Variants in COL24A1 observed in about 807,000 individuals in gnomAD.
The protein encoded by COL24A1 is collagen alpha-1(XXIV) chain.
A neutral mutation model predicts 253.9 loss-of-function variants in COL24A1; 224 were observed. The observed-to-expected ratio is 0.88, with a 90% CI of 0.79 to 0.99. The LOEUF (loss-of-function observed/expected upper bound fraction) is 0.99, where lower values mean the gene tolerates loss of function less well. COL24A1 is among the 50% of genes least tolerant of loss of function. The pLI, the probability that COL24A1 is intolerant of heterozygous loss-of-function variation, is 0.00. For missense variants in COL24A1, 2,131 were observed against 2,068.5 expected (o/e 1.03, Z -0.59); for synonymous variants, 685 against 673.7 (o/e 1.02, Z -0.26).
At chr1:85,992,922 T>C (rs1217130083) in intron 19 of COL24A1, among the ~76,000 whole-genome samples, 1 of 152,038 alleles carries the variant, frequency 6.6e-6, no homozygotes, top group African/African-American at 2.4e-5. Context: ...AAAAAAGAAG[T>C]AGTTTTAAAA....
intron 1 of COL24A1, chr1:86,155,127 A>G (rs1324291837): frequency 6.6e-6 from 1 of 152,030 alleles, no homozygotes; most frequent in Non-Finnish European, 1.5e-5. Context: ...GGGGTTGAGG[A>G]GATTGGGAGG....
At chr1:85,744,639 C>T in intron 57 of COL24A1, 27 bp downstream of exon 57, 1 of 1,547,374 alleles carries the variant, frequency 6.5e-7, no homozygotes, top group African/African-American at 1.4e-5. Flanking sequence ...AATTCACTAT[C>T]AGAGTTTGAG....
chr1:85,792,269 T>A (rs1447674512), intron 47 of COL24A1, among the ~76,000 whole-genome samples: 1 of 152,150 alleles, frequency 6.6e-6, no homozygotes, highest in South Asian at 2.1e-4. Flanking sequence ...CAATAGTTTC[T>A]CCATGTATTC....
chr1:85,767,326 C>A (rs548001188), intron 53 of COL24A1, among the ~76,000 whole-genome samples: 78 of 152,206 alleles, frequency 5.1e-4, no homozygotes, highest in Middle Eastern at 6.8e-3. Flanking sequence ...AATTAGGCGT[C>A]TTTAGCCAGT....
chr1:85,911,991 C>A (rs1216787189), intron 24 of COL24A1, among the ~76,000 whole-genome samples: 1 of 151,978 alleles, frequency 6.6e-6, no homozygotes. Context: ...ACAAAAGCAA[C>A]TAAATTAAAA....
At chr1:86,152,206 G>A (rs1339812846) in intron 1 of COL24A1, among the ~76,000 whole-genome samples, 1 of 152,096 alleles carries the variant, frequency 6.6e-6, no homozygotes, top group Non-Finnish European at 1.5e-5. Context: ...CAACTCAGGT[G>A]GTAGTTATAT....
chr1:85,852,651 T>G (rs1310909866), intron 37 of COL24A1, among the ~76,000 whole-genome samples: 1 of 149,892 alleles, frequency 6.7e-6, no homozygotes, highest in African/African-American at 2.5e-5. Context: ...TAAATGATTA[T>G]AATTTCTTTA....
intron 35 of COL24A1, among the ~76,000 whole-genome samples, chr1:85,871,395 A>G (rs982563478): frequency 6.6e-6 from 1 of 152,160 alleles, no homozygotes; most frequent in African/African-American, 2.4e-5. Context: ...CACAACAAAA[A>G]AAGAGAATTT....
intron 3 of COL24A1, among the ~76,000 whole-genome samples, chr1:86,120,832 C>G (rs1020389247): frequency 1.3e-4 from 20 of 152,142 alleles, no homozygotes; most frequent in African/African-American, 4.8e-4. Flanking sequence ...GCTATAAAGA[C>G]ACATGCACAT....
At chr1:85,773,493 T>C (rs750876505) in intron 53 of COL24A1, among the ~76,000 whole-genome samples, 2 of 152,222 alleles carry the variant, frequency 1.3e-5, no homozygotes, top group Non-Finnish European at 2.9e-5. Context: ...TGATTCTTCC[T>C]ATTCATGAGC....
intron 24 of COL24A1, among the ~76,000 whole-genome samples, chr1:85,939,883 C>A (rs139797368): frequency 1.3e-5 from 2 of 152,170 alleles, no homozygotes; most frequent in East Asian, 1.9e-4. Context: ...AGGATATATA[C>A]TGCCCTCTTA....
intron 5 of COL24A1, among the ~76,000 whole-genome samples, chr1:86,111,078 C>T (rs1705537384): frequency 6.6e-6 from 1 of 152,202 alleles, no homozygotes; most frequent in South Asian, 2.1e-4. Flanking sequence ...AATCAGCACT[C>T]TGTGTCTAGC....
At chr1:86,002,266 T>C (rs1283097538) in intron 19 of COL24A1, among the ~76,000 whole-genome samples, 1 of 152,118 alleles carries the variant, frequency 6.6e-6, no homozygotes, top group East Asian at 1.9e-4. Flanking sequence ...GGGGTGGTGG[T>C]CCCTATTACA....
intron 55 of COL24A1, among the ~76,000 whole-genome samples, chr1:85,757,040 C>T (rs1666340472): frequency 6.6e-6 from 1 of 152,102 alleles, no homozygotes; most frequent in Non-Finnish European, 1.5e-5. Context: ...ACGGTGGTTG[C>T]AGGGGCTGGG....
rs189265902 is a variant in COL24A1, at chr1:85,826,846, A to G, written c.3682-3108T>C. Among the ~76,000 whole-genome samples, 306 of 152,320 alleles carry G rather than the reference A, an allele frequency of 2.0e-3. 3 individuals carry two copies. Among genetic ancestry groups the G allele is most frequent in the African/African-American group, 7.1e-3 (297 of 41,572 alleles). The stretch of plus-strand genomic sequence containing the variant: ...TTGGGCTGAGACAATGGAGTTTTCT[A>G]GATATACAATCATGGCATCTGCAAA... On this transcript the variant is annotated intron_variant, in intron 43 of 59. Coordinates refer to ENST00000370571, the MANE Select transcript of COL24A1 (RefSeq NM_152890.7).
chr1:86,129,571 G>T (rs1170852492), intron 2 of COL24A1, among the ~76,000 whole-genome samples: 4 of 151,584 alleles, frequency 2.6e-5, no homozygotes, highest in African/African-American at 9.7e-5. Flanking sequence ...TGCTTTAGCT[G>T]CATCCCATAG....
chr1:86,063,761 T>C lies in COL24A1; in HGVS notation c.1708-2A>G, dbSNP rs1365803484. ...GAGTCCAGGATGTCCTTTGAGACCC[T>C]GTAAAAGAATAAGTGGAGACATGCT... On this transcript the variant is annotated splice_acceptor_variant, in intron 7 of 59. Transcript: ENST00000370571. LOFTEE classifies it high-confidence loss of function. The C allele has an allele frequency of 2.6e-6, 4 of 1,535,294 alleles. No homozygotes were observed. Among genetic ancestry groups the C allele is most frequent in the Non-Finnish European group, 3.5e-6 (4 of 1,140,286 alleles).
At chr1:86,122,721 T>C (rs565496958) in intron 3 of COL24A1, among the ~76,000 whole-genome samples, 2 of 152,024 alleles carry the variant, frequency 1.3e-5, no homozygotes, top group Admixed American at 1.3e-4. Flanking sequence ...CAAGTCTTCC[T>C]ACAAAATCTC....
At chr1:86,039,127 A>G (rs1249347461) in intron 12 of COL24A1, among the ~76,000 whole-genome samples, 1 of 144,356 alleles carries the variant, frequency 6.9e-6, no homozygotes, top group Non-Finnish European at 1.5e-5. Flanking sequence ...GCACTCAAGT[A>G]TTTTAAATGT....
Sources: gnomAD v4.1 joint callset for allele counts (sites outside exome capture counted in the v4.1 genomes callset) on GRCh38, gnomAD v4.1.1 for gene constraint, MANE v1.5 for transcripts, NCBI Gene and HGNC (gene_info 2026-07-23, HGNC 2026-07-21) for gene names.